ZIM2: variants seen among roughly 807,000 people sequenced by gnomAD.
ZIM2 encodes the protein zinc finger protein 656.
A neutral mutation model predicts 38.6 loss-of-function variants in ZIM2; 14 were observed. The observed-to-expected ratio is 0.36, with a 90% confidence interval of 0.24 to 0.57. ZIM2 has a LOEUF of 0.57. Ranked by LOEUF, ZIM2 falls within the 20% of genes least tolerant of loss-of-function variation. ZIM2 has a pLI of 0.81. For missense variants in ZIM2, 680 were observed against 695.1 expected (o/e 0.98, Z 0.24); for synonymous variants, 247 against 245.8 (o/e 1.00, Z -0.04).
intron 9 of ZIM2, among the ~76,000 whole-genome samples, chr19:56,795,369 G>A (rs961487074): frequency 6.6e-6 from 1 of 152,130 alleles, no homozygotes; most frequent in African/African-American, 2.4e-5. Flanking sequence ...GATGCCTCTT[G>A]CGCCCTCAAG....
chr19:56,789,415 C>T (rs577874187), intron 10 of ZIM2, among the ~76,000 whole-genome samples: 2 of 152,218 alleles, frequency 1.3e-5, no homozygotes, highest in Admixed American at 6.5e-5. Context: ...ATATCTCAAT[C>T]GTATTATTTA....
At chr19:56,775,869 A>G (rs956987917) in intron 12 of ZIM2, among the ~76,000 whole-genome samples, 3 of 152,114 alleles carry the variant, frequency 2.0e-5, no homozygotes, top group Admixed American at 6.5e-5. Flanking sequence ...TGGGAGGCCG[A>G]GATGGGCGGA....
At chr19:56,810,350 GAAACCGAAACA>G (rs1831661319) in intron 9 of ZIM2, 1 of 985,176 alleles carries the variant, frequency 1.0e-6, no homozygotes, top group Non-Finnish European at 1.2e-6. Flanking sequence ...ACCTTTCAAG[GAAACCGAAACA>G]AAATAACCAT....
At chr19:56,813,660 C>T (rs770291543) in intron 9 of ZIM2, 8 of 1,605,528 alleles carry the variant, frequency 5.0e-6, no homozygotes, top group African/African-American at 1.3e-5. Context: ...GTTTTCTAAC[C>T]TTTACCCCAT....
At chr19:56,829,343 C>CA (rs35948458) in intron 2 of ZIM2, among the ~76,000 whole-genome samples, 2,900 of 86,418 alleles carry the variant, frequency 0.034, 94 homozygotes, top group African/African-American at 0.11. Flanking sequence ...GACTCCATCT[C>CA]AAAAAAAAAA....
At chr19:56,794,396 A>AT (rs1369426148) in intron 9 of ZIM2, among the ~76,000 whole-genome samples, 1 of 152,034 alleles carries the variant, frequency 6.6e-6, no homozygotes, top group Non-Finnish European at 1.5e-5. Context: ...TGGGGAAAAC[A>AT]TTTTTTTCTT....
At chr19:56,815,976 C>G in intron 9 of ZIM2, 1 of 1,583,322 alleles carries the variant, frequency 6.3e-7, no homozygotes, top group Non-Finnish European at 8.6e-7. Context: ...CAGAGGTGTT[C>G]CCTCCAGCAC....
chr19:56,815,039 C>G, intron 9 of ZIM2: 1 of 1,614,166 alleles, frequency 6.2e-7, no homozygotes. Flanking sequence ...CGACTGTCAA[C>G]CAGGCACTTC....
rs1300682236 is a variant in ZIM2, at chr19:56,815,209, G to T, written c.490+2537C>A. ...GTCTTCAATTGTCTCCTGACCATGG[G>T]TCTCCTCGCTGTGGGTCTCCTCCCC... On this transcript the variant is annotated intron_variant, in intron 9 of 12. Coordinates refer to ENST00000629319, the MANE Select transcript of ZIM2 (RefSeq NM_001387356.1). 3 of 1,613,758 alleles carry T rather than the reference G, an allele frequency of 1.9e-6. No homozygotes were observed. In the African/African-American group the frequency reaches 4.0e-5, roughly 22 times the overall value.
At chr19:56,800,781 G>A (rs1366490585) in intron 9 of ZIM2, among the ~76,000 whole-genome samples, 1 of 151,822 alleles carries the variant, frequency 6.6e-6, no homozygotes, top group Non-Finnish European at 1.5e-5. Flanking sequence ...TGTCATAGAT[G>A]GTCTGTGTAA....
At chr19:56,799,974 C>A (rs865868546) in intron 9 of ZIM2, among the ~76,000 whole-genome samples, 19 of 152,180 alleles carry the variant, frequency 1.2e-4, no homozygotes, top group Non-Finnish European at 1.2e-4. Context: ...GCTAATTCTA[C>A]AACAAGCAAA....
intron 4 of ZIM2, 131 bp from the exon 5 acceptor site, chr19:56,823,810 G>T: frequency 9.0e-7 from 1 of 1,109,736 alleles, no homozygotes; most frequent in Non-Finnish European, 1.3e-6. Context: ...ACATTTCTGA[G>T]TTCAAAACCC....
At chr19:56,824,077 A>G (rs1192540038) in intron 4 of ZIM2, among the ~76,000 whole-genome samples, 185 bp downstream of exon 4, 1 of 152,138 alleles carries the variant, frequency 6.6e-6, no homozygotes, top group African/African-American at 2.4e-5. Flanking sequence ...GTGTGGAGAC[A>G]CTTTTGGTGG....
chr19:56,811,079 C>T (rs1275754901), intron 9 of ZIM2: 1 of 984,640 alleles, frequency 1.0e-6, no homozygotes, highest in African/African-American at 1.7e-5. Context: ...GAGTATATGT[C>T]TTTGGATGGT....
At chr19:56,840,105 G>C (rs938646255) in intron 1 of ZIM2, among the ~76,000 whole-genome samples, 1 of 152,222 alleles carries the variant, frequency 6.6e-6, no homozygotes, top group Non-Finnish European at 1.5e-5. Context: ...CATTTTCGCA[G>C]CCCCCAGACC....
chr19:56,778,786 T>A (rs1600704772), intron 12 of ZIM2, among the ~76,000 whole-genome samples: 2 of 152,240 alleles, frequency 1.3e-5, no homozygotes, highest in East Asian at 3.9e-4. Flanking sequence ...CCGCTGCACA[T>A]GGTGACCCAT....
intron 2 of ZIM2, among the ~76,000 whole-genome samples, chr19:56,832,819 T>C (rs375165404): frequency 2.0e-4 from 30 of 152,198 alleles, no homozygotes; most frequent in African/African-American, 7.2e-4. Context: ...CCTCTCTGTA[T>C]ACAGAACAAG....
At chr19:56,832,274 T>C (rs1345430316) in intron 2 of ZIM2, among the ~76,000 whole-genome samples, 1 of 152,222 alleles carries the variant, frequency 6.6e-6, no homozygotes, top group Non-Finnish European at 1.5e-5. Flanking sequence ...CTGCCCTTTC[T>C]CTGCTGGGTT....
At position 56,822,797 on chromosome 19, in the gene ZIM2, A is replaced by G. The variant is rs2060628453; in HGVS notation, c.146T>C (p.Met49Thr). The G allele has an allele frequency of 1.2e-6, 2 of 1,613,988 alleles. No individual in the cohort carries two copies. Among genetic ancestry groups the G allele is most frequent in the African/African-American group, 1.3e-5 (1 of 74,920 alleles). Residue 49 changes from methionine (M) to threonine (T), a missense_variant, in exon 6 of 13, where the codon ATG becomes ACG. Physicochemically the swap from Met to Thr is moderately conservative, Grantham distance 81 (BLOSUM62 -1). Transcript: ENST00000629319. ...GTGGGACCAGCGGTCTCGTGGCTCC[A>G]TGTCTCTGCTTCTGCCCCTCCGGTC... ...DWDRRGRSRD[M>T]EPRDRWSHTR...
Sources: allele counts gnomAD v4.1 joint callset (sites outside exome capture counted in the v4.1 genomes callset), GRCh38; gene constraint gnomAD v4.1.1; transcripts MANE v1.5; gene names NCBI Gene and HGNC (gene_info 2026-07-23, HGNC 2026-07-21).